PZP: variants seen among roughly 807,000 people sequenced by gnomAD.
PZP encodes pregnancy zone protein.
A neutral mutation model predicts 179.8 loss-of-function variants in PZP; 150 were observed. The observed-to-expected ratio is 0.83, with a 90% CI of 0.73 to 0.96. The LOEUF is 0.96. Among genes scored for constraint, PZP ranks in the 40% least tolerant of loss-of-function variants. The pLI, the probability that PZP is intolerant of heterozygous loss-of-function variation, is 0.00. For synonymous variants in PZP, 624 were observed against 652.3 expected, an observed-to-expected ratio of 0.96 and a Z score of 0.66; for missense variants, 1,689 against 1,764.0, an observed-to-expected ratio of 0.96 and a Z score of 0.76.
rs1222293953 is a variant in PZP, at chr12:9,196,405, G to C, written c.1017C>G (p.Ile339Met). ...ATTTGAGTTTGGATACAATGTTTGT[G>C]ATTTCACTGATCCTGTTTGCAGTGA... ...LEVTANRISE[I>M]TNIVSKLKFV... Residue 339 changes from isoleucine to methionine, a missense_variant, in exon 10 of 36, where the codon ATC becomes ATG. This residue lies in a region of PZP where 742 missense variants were observed against 730.5 expected (regional missense o/e 1.02). Transcript: ENST00000261336. 2 of 1,613,516 alleles carry C rather than the reference G, an allele frequency of 1.2e-6. No individual in the cohort carries two copies. Among genetic ancestry groups the C allele is most frequent in the Non-Finnish European group, 1.7e-6 (2 of 1,179,648 alleles).
rs139725898 is a variant in PZP, at chr12:9,168,816, C to G, written c.2107+53G>C. The G allele has an allele frequency of 1.1e-4, 141 of 1,342,746 alleles. No homozygotes were observed. The African/African-American group carries it at 1.7e-3, about 17-fold the overall frequency. The allele number at this position is 1,342,746 out of a possible 1,614,324, so 83.2% of individuals were successfully genotyped here. On this transcript the variant is annotated intron_variant, in intron 17 of 35. Coordinates refer to ENST00000261336, the MANE Select transcript of PZP (RefSeq NM_002864.3). Reference sequence around the variant, plus strand: ...CATTACCTCATTTTAGCATTTTGGGCATAGTAATATTGTTGGACATGAAAT... The same window carrying G: ...CATTACCTCATTTTAGCATTTTGGGGATAGTAATATTGTTGGACATGAAAT...
downstream of PZP, among the ~76,000 whole-genome samples, chr12:9,146,698 T>A (rs777463538): frequency 3.3e-5 from 5 of 152,166 alleles, no homozygotes; most frequent in Non-Finnish European, 5.9e-5. Flanking sequence ...ATTCTAACAA[T>A]CCTTTCTCTT....
At position 9,157,765 on chromosome 12, in the gene PZP, A is replaced by G; in HGVS notation, c.3369+2T>C. 1 of 1,613,038 alleles carries G rather than the reference A, an allele frequency of 6.2e-7. No homozygotes were observed. The highest frequency in any genetic ancestry group is 8.5e-7 in the Non-Finnish European group (1 of 1,178,970). On this transcript the variant is annotated splice_donor_variant, in intron 27 of 35. Coordinates refer to ENST00000261336, the MANE Select transcript of PZP (RefSeq NM_002864.3). LOFTEE classifies it high-confidence loss of function. ...AGGGAATGGGATTGAGCTGGTACCT[A>G]CAGTGACTGGGAGAGGAATTTCCAG...
chr12:9,140,466 A>C, the PZP span, among the ~76,000 whole-genome samples: 1 of 152,228 alleles, frequency 6.6e-6, no homozygotes, highest in Non-Finnish European at 1.5e-5. Flanking sequence ...GGAAAGGGCC[A>C]CGTGTTATTT....
intron 15 of PZP, 49 bp downstream of exon 15, chr12:9,180,934 G>T (rs1942720749): frequency 6.4e-7 from 1 of 1,570,416 alleles, no homozygotes; most frequent in African/African-American, 1.4e-5. Context: ...TTCTTGATCT[G>T]AGCCTCTGGA....
At chr12:9,166,006 C>A in intron 18 of PZP, 46 bp downstream of exon 18, 1 of 1,557,858 alleles carries the variant, frequency 6.4e-7, no homozygotes, top group Admixed American at 2.1e-5. Flanking sequence ...TTGGAGGAAC[C>A]ACATTCCCTC....
chr12:9,196,396 A>C lies in PZP; in HGVS notation c.1026T>G (p.Ile342Met). Residue 342 changes from isoleucine (I) to methionine (M), a missense_variant, in exon 10 of 36, where the codon ATT becomes ATG. Transcript: ENST00000261336. Reference sequence around the variant, plus strand: ...CTTTCACGAATTTGAGTTTGGATACAATGTTTGTGATTTCACTGATCCTGT... The same window carrying C: ...CTTTCACGAATTTGAGTTTGGATACCATGTTTGTGATTTCACTGATCCTGT... ...TANRISEITN[I>M]VSKLKFVKVD... is the part of the protein sequence containing the mutation. 6.2e-7 allele frequency: 1 copy of C among 1,613,896 alleles called. No individual in the cohort carries two copies. The highest frequency in any genetic ancestry group is 1.7e-5 in the Admixed American group (1 of 60,024).
At position 9,162,882 on chromosome 12, in the gene PZP, G is replaced by A. The variant is rs113371037; in HGVS notation, c.2737-234C>T. Among the ~76,000 whole-genome samples, 332 of 152,200 alleles carry A rather than the reference G, an allele frequency of 2.2e-3. 2 individuals are homozygous for A. The highest frequency in any genetic ancestry group is 7.3e-3 in the African/African-American group (304 of 41,516). On this transcript the variant is annotated intron_variant, in intron 21 of 35. Transcript: ENST00000261336. ...TGCACAGATCATCCCATCACCTAGG[G>A]ATTAAGCCCAGCATCCACTAGCTAT...
At chr12:9,204,153 A>G (rs1321986395) in intron 1 of PZP, among the ~76,000 whole-genome samples, 1 of 152,192 alleles carries the variant, frequency 6.6e-6, no homozygotes. Flanking sequence ...CAGCCACACA[A>G]TCTGGAGCCA....
chr12:9,139,693 C>A, the PZP span, among the ~76,000 whole-genome samples: 1 of 152,056 alleles, frequency 6.6e-6, no homozygotes, highest in South Asian at 2.1e-4. Flanking sequence ...CCCTTTTGGT[C>A]TCTTGTAACA....
At chr12:9,202,784 AAGG>A (rs1297010071) in intron 2 of PZP, 100 bp from the exon 3 acceptor site, 5 of 1,104,484 alleles carry the variant, frequency 4.5e-6, no homozygotes, top group African/African-American at 1.6e-5. Flanking sequence ...CAGCTTCACC[AAGG>A]AGAAGGAAGG....
At chr12:9,200,027 G>C (rs1039669845) in intron 7 of PZP, among the ~76,000 whole-genome samples, 2 of 152,150 alleles carry the variant, frequency 1.3e-5, no homozygotes, top group South Asian at 4.1e-4. Flanking sequence ...TTAAGTGATC[G>C]TGTTGTCGCA....
At position 9,201,026 on chromosome 12, in the gene PZP, C is replaced by G. The variant is rs752362048; in HGVS notation, c.536G>C (p.Ser179Thr). The change falls in exon 6 of 36, where the codon AGT (serine) becomes ACT (threonine). Residue 179 changes from serine to threonine, a missense_variant. Coordinates refer to ENST00000261336, the MANE Select transcript of PZP (RefSeq NM_002864.3). ...PRRNRIAQWQ[S>T]LKLEAGINQL... Reference sequence around the variant, plus strand: ...ATTGATGCCAGCTTCTAGCTTGAGACTCTGCCATTGTGCAATTCGATTTCT... The same window carrying G: ...ATTGATGCCAGCTTCTAGCTTGAGAGTCTGCCATTGTGCAATTCGATTTCT... The G allele has an allele frequency of 6.2e-7, 1 of 1,614,074 alleles. No homozygotes were observed. The highest frequency in any genetic ancestry group is 1.1e-5 in the South Asian group (1 of 91,074).
At chr12:9,193,702 TAGAC>T (rs1175978557) in intron 11 of PZP, among the ~76,000 whole-genome samples, 1 of 152,180 alleles carries the variant, frequency 6.6e-6, no homozygotes, top group Admixed American at 6.5e-5. Flanking sequence ...TCATCGTCAT[TAGAC>T]AGTGTATATT....
In PZP at chr12:9,159,924, AT is replaced by A. The variant is rs1210458127; in HGVS notation, c.3137+13del. On this transcript the variant is annotated intron_variant, in intron 25 of 35. Coordinates refer to ENST00000261336, the MANE Select transcript of PZP (RefSeq NM_002864.3). ...AACTCATAGTTGAAACTCAGAATAG[AT>A]TTTCTTTCTTACCAAGTGTTGCCCT... 6.3e-7 allele frequency: 1 copy of A among 1,594,928 alleles called. No homozygotes were observed. The highest frequency in any genetic ancestry group is 1.3e-5 in the African/African-American group (1 of 74,518).
rs1369115596 is a variant in PZP, at chr12:9,181,976, T to A, written c.1688A>T (p.Lys563Met). 6.2e-7 allele frequency: 1 copy of A among 1,613,388 alleles called. No homozygotes were observed. The highest frequency in any genetic ancestry group is 1.3e-5 in the African/African-American group (1 of 75,004). Residue 563 changes from lysine (K) to methionine (M), a missense_variant and splice_region_variant, in exon 14 of 36, where the codon AAG (lysine) becomes ATG (methionine). Coordinates refer to ENST00000261336, the MANE Select transcript of PZP (RefSeq NM_002864.3). ...KFEIENCLANKVDLSFSPAQS... is the reference protein window; with the variant it reads ...KFEIENCLANMVDLSFSPAQS... ...TTAATTTTATGTTAAATCGCTCACCTTGTTGGCTAGACAGTTTTCAATCTC... is the reference window on the plus strand; with the variant it reads ...TTAATTTTATGTTAAATCGCTCACCATGTTGGCTAGACAGTTTTCAATCTC...
At chr12:9,169,730 G>C (rs1223332607) in intron 15 of PZP, 139 bp from the exon 16 acceptor site, 4 of 748,426 alleles carry the variant, frequency 5.3e-6, no homozygotes, top group Non-Finnish European at 7.7e-6. Context: ...GATAGTTGAA[G>C]ATTTTCCTTA....
At position 9,160,359 on chromosome 12, in the gene PZP, G is replaced by A. The variant is rs1941088477; in HGVS notation, c.3004C>T (p.Leu1002=). 1 of 1,614,052 alleles carries A rather than the reference G, an allele frequency of 6.2e-7. No homozygotes were observed. Among genetic ancestry groups the A allele is most frequent in the Non-Finnish European group, 8.5e-7 (1 of 1,180,026 alleles). Reference sequence around the variant, plus strand: ...GCCTTGGCCTTGATCTCCTGCGTCAGCTGCTGGGTTTCATTCAGATAGTTC... The same window carrying A: ...GCCTTGGCCTTGATCTCCTGCGTCAACTGCTGGGTTTCATTCAGATAGTTC... ...VLNYLNETQQ[L]TQEIKAKAVG... is the part of the protein sequence containing the mutation. Residue 1002 remains leucine, a synonymous_variant, in exon 24 of 36, where the codon CTG becomes TTG. Coordinates refer to ENST00000261336, the MANE Select transcript of PZP (RefSeq NM_002864.3).
rs747473675 is a variant in PZP, at chr12:9,192,682, G to A, written c.1312C>T (p.Gln438Ter). 2.5e-6 allele frequency: 4 copies of A among 1,613,936 alleles called. No individual in the cohort carries two copies. The highest frequency in any genetic ancestry group is 2.2e-5 in the East Asian group (1 of 44,878). ...FHYSWVAEDH[Q>*]GAQHTANRVF... ...CGATTTGCAGTGTGCTGAGCACCCT[G>A]GTGGTCTTCTGCTACCCATGAATAG... Residue 438 changes from glutamine to a stop codon, truncating the protein, a stop_gained, in exon 12 of 36, where the codon CAG becomes TAG. Coordinates refer to ENST00000261336, the MANE Select transcript of PZP (RefSeq NM_002864.3). LOFTEE classifies it high-confidence loss of function.
Sources: gnomAD v4.1 joint callset for allele counts (sites outside exome capture counted in the v4.1 genomes callset) on GRCh38, gnomAD v4.1.1 for gene constraint, gnomAD v4.1.1 regional missense constraint, MANE v1.5 for transcripts, NCBI Gene and HGNC (gene_info 2026-07-23, HGNC 2026-07-21) for gene names.